CHN2: variants seen among roughly 807,000 people sequenced by gnomAD.
CHN2 encodes the protein chimerin 2.
In CHN2, 35 loss-of-function variants were observed where a neutral mutation model predicts 56.3. That is an observed-to-expected ratio of 0.62 (90% CI 0.47 to 0.82). The LOEUF (loss-of-function observed/expected upper bound fraction) is 0.82, where lower values mean the gene tolerates loss of function less well. CHN2 is among the 40% of genes least tolerant of loss of function. The pLI is 0.00. For missense variants in CHN2, 491 were observed against 580.5 expected (o/e 0.85, Z 1.58); for synonymous variants, 210 against 212.8 (o/e 0.99, Z 0.12).
intron 1 of CHN2, among the ~76,000 whole-genome samples, chr7:29,242,079 T>G (rs1315154751): frequency 1.3e-5 from 2 of 152,188 alleles, no homozygotes; most frequent in African/African-American, 4.8e-5. Flanking sequence ...GTAGAACTCA[T>G]TTAATTCTCA....
intron 1 of CHN2, chr7:29,213,266 C>A: frequency 1.1e-6 from 1 of 885,348 alleles, no homozygotes; most frequent in Non-Finnish European, 1.9e-6. Context: ...GTGGCTGAAT[C>A]CTTCCTCTCC....
Position 29,472,316 on chromosome 7 carries a change from A to AC in CHN2, c.577-7962dup, listed in dbSNP as rs1197283176. ...ACACACACGCACACACACACATTAG[A>AC]CACAGAAATAGGTAGTAGGCATACC... On this transcript the variant is annotated intron_variant, in intron 6 of 12. Transcript: ENST00000222792. Among the ~76,000 whole-genome samples the AC allele has an allele frequency of 1.7e-4, 14 of 81,110 alleles. 1 individual carries two copies. The highest frequency in any genetic ancestry group is 4.4e-4 in the African/African-American group (14 of 31,858). The allele number at this position is 81,110 out of a possible 152,430, so 53.2% of individuals were successfully genotyped here.
intron 1 of CHN2, among the ~76,000 whole-genome samples, chr7:29,219,814 T>C (rs1192479003): frequency 3.3e-5 from 5 of 152,184 alleles, no homozygotes. Flanking sequence ...CCGTGGCTCA[T>C]GCCTGTAATC....
intron 1 of CHN2, among the ~76,000 whole-genome samples, chr7:29,248,331 C>T (rs1237375909): frequency 6.6e-6 from 1 of 152,230 alleles, no homozygotes; most frequent in East Asian, 1.9e-4. Context: ...GACCTGCCTT[C>T]AGCCTGCTCC....
intron 6 of CHN2, among the ~76,000 whole-genome samples, chr7:29,403,297 C>T (rs1025976307): frequency 1.7e-5 from 2 of 120,678 alleles, no homozygotes; most frequent in Admixed American, 2.4e-4. Flanking sequence ...GGACTGGAAA[C>T]GTGAATGGCT....
intron 1 of CHN2, among the ~76,000 whole-genome samples, chr7:29,264,172 C>T (rs1240327964): frequency 7.0e-6 from 1 of 143,870 alleles, no homozygotes; most frequent in Non-Finnish European, 1.5e-5. Flanking sequence ...GCCCCCTCTG[C>T]CTGGCCGCCC....
At chr7:29,265,717 A>G (rs767659674) in intron 1 of CHN2, among the ~76,000 whole-genome samples, 9 of 150,172 alleles carry the variant, frequency 6.0e-5, no homozygotes, top group Non-Finnish European at 1.0e-4. Flanking sequence ...GCTGGCATGT[A>G]GGGAGGAGAA....
At chr7:29,310,416 A>G (rs1233935695) in intron 1 of CHN2, among the ~76,000 whole-genome samples, 1 of 152,356 alleles carries the variant, frequency 6.6e-6, no homozygotes, top group African/African-American at 2.4e-5. Context: ...AATGTATACA[A>G]ATATAAACAA....
At chr7:29,261,653 C>T (rs1003981552) in intron 1 of CHN2, among the ~76,000 whole-genome samples, 1 of 152,186 alleles carries the variant, frequency 6.6e-6, no homozygotes, top group African/African-American at 2.4e-5. Context: ...TAGTTCACTT[C>T]TTTGAACCAC....
At chr7:29,311,872 G>A (rs563863778) in intron 1 of CHN2, among the ~76,000 whole-genome samples, 1 of 152,212 alleles carries the variant, frequency 6.6e-6, no homozygotes, top group Non-Finnish European at 1.5e-5. Context: ...CAAGAAAACA[G>A]ATCAAGAGTC....
chr7:29,503,260 C>T (rs1790174801), intron 9 of CHN2, among the ~76,000 whole-genome samples: 1 of 152,186 alleles, frequency 6.6e-6, no homozygotes, highest in Admixed American at 6.5e-5. Flanking sequence ...ACTCTCCATG[C>T]ACATATACCA....
chr7:29,371,169 G>T (rs993903663), intron 3 of CHN2, among the ~76,000 whole-genome samples: 1 of 152,178 alleles, frequency 6.6e-6, no homozygotes. Flanking sequence ...GGTCATTAAG[G>T]ACAGAGTCGA....
At chr7:29,189,787 A>G (rs553030796), upstream of CHN2, among the ~76,000 whole-genome samples, 7 of 151,878 alleles carry the variant, frequency 4.6e-5, no homozygotes, top group South Asian at 1.5e-3. Context: ...TGATCCGCCC[A>G]AGCTAAGTGG....
intron 1 of CHN2, chr7:29,212,231 TCTTAAAGCTGC>T: frequency 1.4e-6 from 1 of 725,894 alleles, no homozygotes. Context: ...TCCAGAAAAG[TCTTAAAGCTGC>T]CTTAACCTTT....
chr7:29,212,224 A>G, intron 1 of CHN2: 1 of 692,430 alleles, frequency 1.4e-6, no homozygotes, highest in Non-Finnish European at 2.5e-6. Flanking sequence ...AACATCTTCC[A>G]GAAAAGTCTT....
intron 1 of CHN2, chr7:29,198,091 T>C: frequency 2.2e-6 from 1 of 454,808 alleles, no homozygotes; most frequent in East Asian, 7.0e-5. Context: ...CTGCTGCTGA[T>C]GTAGGAGGTT....
intron 2 of CHN2, among the ~76,000 whole-genome samples, chr7:29,355,494 G>A (rs998973487): frequency 6.6e-6 from 1 of 152,104 alleles, no homozygotes. Context: ...AAGGCAGGCG[G>A]CTATCATTGC....
At chr7:29,291,761 A>G (rs1792650636) in intron 1 of CHN2, among the ~76,000 whole-genome samples, 1 of 152,126 alleles carries the variant, frequency 6.6e-6, no homozygotes, top group Admixed American at 6.5e-5. Flanking sequence ...AAATCCTAGA[A>G]GTTGAATTGT....
chr7:29,369,668 G>C (rs1188014408), intron 3 of CHN2, among the ~76,000 whole-genome samples: 1 of 152,160 alleles, frequency 6.6e-6, no homozygotes, highest in African/African-American at 2.4e-5. Flanking sequence ...TGCCCTTAAG[G>C]CAGGTGGAGT....
Sources: allele counts gnomAD v4.1 joint callset (sites outside exome capture counted in the v4.1 genomes callset), GRCh38; gene constraint gnomAD v4.1.1; transcripts MANE v1.5; gene names NCBI Gene and HGNC (gene_info 2026-07-23, HGNC 2026-07-21).